ADGRF4: variants seen among roughly 807,000 people sequenced by gnomAD.
ADGRF4 encodes the protein adhesion G protein-coupled receptor F4, also known as G-protein coupled receptor PGR18.
ADGRF4 carries 63 observed loss-of-function variants against 58.5 expected under a neutral mutation model. The ratio of observed to expected loss-of-function variants is 1.08; its 90% CI spans 0.88 to 1.33. ADGRF4 has a LOEUF of 1.33. ADGRF4 is among the 40% of genes most tolerant of loss of function. ADGRF4 has a pLI of 0.00. For synonymous variants in ADGRF4, 313 were observed against 295.4 expected (o/e 1.06, Z -0.61); for missense variants, 931 against 843.9 (o/e 1.10, Z -1.28).
chr6:47,717,540 C>A (rs1172072218), intron 8 of ADGRF4, among the ~76,000 whole-genome samples, 189 bp downstream of exon 8: 1 of 152,174 alleles, frequency 6.6e-6, no homozygotes, highest in Admixed American at 6.5e-5. Flanking sequence ...GTGGAATATA[C>A]CCTTCAAGGG....
chr6:47,708,051 T>TA (rs1367438906), intron 2 of ADGRF4, among the ~76,000 whole-genome samples, 173 bp from the exon 3 acceptor site: 31 of 152,340 alleles, frequency 2.0e-4, no homozygotes, highest in African/African-American at 7.5e-4. Flanking sequence ...CTCCCTGTGC[T>TA]CTCATCCACA....
chr6:47,701,003 ATTG>A (rs1771576836), intron 1 of ADGRF4, among the ~76,000 whole-genome samples: 1 of 152,044 alleles, frequency 6.6e-6, no homozygotes, highest in South Asian at 2.1e-4. Flanking sequence ...AAGAGCACAA[ATTG>A]TTGTGCTCTG....
rs1237180633 is a variant in ADGRF4, at chr6:47,710,906, T to C, written c.300+20T>C. On this transcript the variant is annotated intron_variant, in intron 4 of 9. Coordinates refer to ENST00000283303, the MANE Select transcript of ADGRF4 (RefSeq NM_153838.5). ...TTTAAGGTGATGCATTCACAAATTA[T>C]TGGTGACAGAAGCCAATCCCCCAGC... 3 of 1,605,740 alleles carry C rather than the reference T, an allele frequency of 1.9e-6. No individual in the cohort carries two copies. Among genetic ancestry groups the C allele is most frequent in the Non-Finnish European group, 2.6e-6 (3 of 1,176,464 alleles).
Position 47,713,972 on chromosome 6 carries a change from AAAGG to A in ADGRF4, c.728_731del (p.Lys243SerfsTer17), listed in dbSNP as rs1450982352. 6.2e-7 allele frequency: 1 copy of A among 1,605,478 alleles called. No homozygotes were observed. On this transcript the variant is annotated frameshift_variant, in exon 6 of 10. Coordinates refer to ENST00000283303, the MANE Select transcript of ADGRF4 (RefSeq NM_153838.5). LOFTEE classifies it high-confidence loss of function. The stretch of plus-strand genomic sequence containing the variant: ...TGTGAATGAACTCTTCATTCAGACA[AAAGG>A]GTTTCACATCAACCATAATACCTCA...
chr6:47,714,384 A>G lies in ADGRF4; in HGVS notation c.1139A>G (p.Tyr380Cys), dbSNP rs1316867973. Residue 380 changes from tyrosine to cysteine, a missense_variant, in exon 6 of 10, where the codon TAC becomes TGC. Physicochemically the swap from Tyr to Cys is radical, Grantham distance 194. Transcript: ENST00000283303. ...AACGAAGTGAAATGCCGCTGTAACTACACCAGTGTGGTGATGTCTTTTTCC... is the reference window on the plus strand; with the variant it reads ...AACGAAGTGAAATGCCGCTGTAACTGCACCAGTGTGGTGATGTCTTTTTCC... Reference protein sequence around the residue: ...IRNEVKCRCNYTSVVMSFSIL... With the variant: ...IRNEVKCRCNCTSVVMSFSIL... 6.2e-7 allele frequency: 1 copy of G among 1,614,000 alleles called. No homozygotes were observed. The highest frequency in any genetic ancestry group is 1.3e-5 in the African/African-American group (1 of 74,916).
chr6:47,718,270 A>T (rs773161909), intron 8 of ADGRF4, 119 bp from the exon 9 acceptor site: 2 of 714,748 alleles, frequency 2.8e-6, no homozygotes, highest in Non-Finnish European at 5.2e-6. Flanking sequence ...CTGTGTAGCT[A>T]TATCAGTGTG....
chr6:47,718,606 G>A (rs1772088036), intron 9 of ADGRF4, among the ~76,000 whole-genome samples, 161 bp downstream of exon 9: 1 of 152,110 alleles, frequency 6.6e-6, no homozygotes, highest in African/African-American at 2.4e-5. Flanking sequence ...TTATTGTCTA[G>A]CACATAAATG....
chr6:47,710,683 G>T, intron 3 of ADGRF4, 52 bp from the exon 4 acceptor site: 1 of 1,523,096 alleles, frequency 6.6e-7, no homozygotes, highest in South Asian at 1.3e-5. Context: ...TCAAAATGTG[G>T]AAATCCTAAT....
intron 1 of ADGRF4, among the ~76,000 whole-genome samples, chr6:47,700,620 G>A (rs1771569191): frequency 6.6e-6 from 1 of 152,130 alleles, no homozygotes; most frequent in Admixed American, 6.6e-5. Context: ...TCCCTAACCT[G>A]GCATGGCATT....
At chr6:47,707,012 T>G (rs1349709271) in intron 1 of ADGRF4, among the ~76,000 whole-genome samples, 3 of 152,264 alleles carry the variant, frequency 2.0e-5, no homozygotes, top group Non-Finnish European at 2.9e-5. Flanking sequence ...TCTATCTTCT[T>G]CTGTAGAAAA....
intron 9 of ADGRF4, among the ~76,000 whole-genome samples, chr6:47,720,276 G>T (rs1772127649): frequency 6.6e-6 from 1 of 152,196 alleles, no homozygotes; most frequent in South Asian, 2.1e-4. Context: ...GTAAGCACCA[G>T]GAGAGGTGGT....
intron 1 of ADGRF4, among the ~76,000 whole-genome samples, chr6:47,702,406 C>T (rs1034139247): frequency 2.0e-5 from 3 of 152,140 alleles, no homozygotes; most frequent in Non-Finnish European, 1.5e-5. Context: ...CAAAAGCCTC[C>T]GTTGTTTGCC....
In ADGRF4 at chr6:47,710,742, C is replaced by T. The variant is rs139095879; in HGVS notation, c.156C>T (p.Cys52=). ...KPKTGRIQEK[C]EGPCISSSNC... Reference sequence around the variant, plus strand: ...CTCTTTTTTTCTTTATAGAGAAATGCGAAGGACCTTGTATTTCTTCTTCCA... The same window carrying T: ...CTCTTTTTTTCTTTATAGAGAAATGTGAAGGACCTTGTATTTCTTCTTCCA... The change falls in exon 4 of 10, where the codon TGC becomes TGT. Residue 52 remains cysteine, a synonymous_variant. Coordinates refer to ENST00000283303, the MANE Select transcript of ADGRF4 (RefSeq NM_153838.5). 62 of 1,599,038 alleles carry T rather than the reference C, an allele frequency of 3.9e-5. No individual in the cohort carries two copies. The highest frequency in any genetic ancestry group is 9.0e-5 in the East Asian group (4 of 44,374).
rs768169820 is a variant in ADGRF4, at chr6:47,712,308, T to A, written c.301-49T>A. On this transcript the variant is annotated intron_variant, in intron 4 of 9. Transcript: ENST00000283303. ...GCTTTAACTCCTTTAGTCTGATACA[T>A]GGTAGGTACTTAATCATTTTTGAAT... is the stretch of plus-strand genomic sequence containing the variant. The A allele has an allele frequency of 3.2e-6, 5 of 1,585,816 alleles. No homozygotes were observed. In the African/African-American group the frequency reaches 5.4e-5, roughly 17 times the overall value.
Position 47,712,490 on chromosome 6 carries a change from G to A in ADGRF4, c.434G>A (p.Cys145Tyr). ...AAGAACTGCCCCTTTGATTATGCCT[G>A]CATCACTGACATGGTGAAATCATCA... is the stretch of plus-strand genomic sequence containing the variant. Reference protein sequence around the residue: ...IRKNCPFDYACITDMVKSSET... With the variant: ...IRKNCPFDYAYITDMVKSSET... The change falls in exon 5 of 10, where the codon TGC becomes TAC. Residue 145 changes from cysteine (C) to tyrosine (Y), a missense_variant. Transcript: ENST00000283303. 1 of 1,613,998 alleles carries A rather than the reference G, an allele frequency of 6.2e-7. No homozygotes were observed. Among genetic ancestry groups the A allele is most frequent in the Non-Finnish European group, 8.5e-7 (1 of 1,179,914 alleles).
At chr6:47,709,379 A>G (rs1771805707) in intron 3 of ADGRF4, among the ~76,000 whole-genome samples, 1 of 152,162 alleles carries the variant, frequency 6.6e-6, no homozygotes, top group Non-Finnish European at 1.5e-5. Context: ...TCATTTACGT[A>G]TTGTCTTTGG....
In ADGRF4 at chr6:47,710,873, A is replaced by G; in HGVS notation, c.287A>G (p.Glu96Gly). The G allele has an allele frequency of 6.2e-7, 1 of 1,612,550 alleles. No homozygotes were observed. The highest frequency in any genetic ancestry group is 8.5e-7 in the Non-Finnish European group (1 of 1,179,614). ...SAETCTSLSV[E>G]KLFKDSTGAS... ...GAAACATGTACAAGCCTTTCTGTGG[A>G]AAAACTCTTTAAGGTGATGCATTCA... is the stretch of plus-strand genomic sequence containing the variant. The change falls in exon 4 of 10, where the codon GAA becomes GGA. Residue 96 changes from glutamate to glycine, a missense_variant. Physicochemically the swap from Glu to Gly is moderately conservative, Grantham distance 98 (BLOSUM62 -2). Transcript: ENST00000283303.
intron 4 of ADGRF4, among the ~76,000 whole-genome samples, chr6:47,711,771 T>C (rs1771878301): frequency 6.6e-6 from 1 of 152,200 alleles, no homozygotes; most frequent in Admixed American, 6.5e-5. Flanking sequence ...ATTTTAACAG[T>C]GGTTTTACAA....
chr6:47,719,633 C>A (rs1035061532), intron 9 of ADGRF4, among the ~76,000 whole-genome samples: 3 of 152,132 alleles, frequency 2.0e-5, no homozygotes, highest in Non-Finnish European at 4.4e-5. Context: ...GTTTATCAGA[C>A]TGTCTCAGGT....
Sources: allele counts gnomAD v4.1 joint callset (sites outside exome capture counted in the v4.1 genomes callset), GRCh38; gene constraint gnomAD v4.1.1; transcripts MANE v1.5; gene names NCBI Gene and HGNC (gene_info 2026-07-23, HGNC 2026-07-21).